DAD1: variants seen among roughly 807,000 people sequenced by gnomAD.
DAD1 encodes dolichyl-diphosphooligosaccharide--protein glycosyltransferase subunit DAD1.
In DAD1, 4 loss-of-function variants were observed where a neutral mutation model predicts 9.0. The observed-to-expected ratio is 0.44, with a 90% CI of 0.22 to 1.01. The LOEUF (loss-of-function observed/expected upper bound fraction) is 1.01. DAD1 is among the 50% of genes least tolerant of loss of function. The pLI is 0.24. For missense variants in DAD1, 119 were observed against 137.3 expected (o/e 0.87, Z 0.67); for synonymous variants, 60 against 62.5 (o/e 0.96, Z 0.19).
intron 1 of DAD1, among the ~76,000 whole-genome samples, chr14:22,578,335 T>G (rs1448984674): frequency 2.0e-5 from 3 of 151,314 alleles, no homozygotes; most frequent in African/African-American, 4.9e-5. Flanking sequence ...GAGGCCAAGG[T>G]GGGTGGATCA....
chr14:22,565,218 C>T, intron 2 of DAD1, 81 bp from the exon 3 acceptor site: 1 of 690,580 alleles, frequency 1.4e-6, no homozygotes, highest in Non-Finnish European at 2.6e-6. Context: ...AATTCTAACC[C>T]ACAAGACAGT....
chr14:22,585,326 T>G (rs945940526), intron 1 of DAD1, among the ~76,000 whole-genome samples: 2 of 152,268 alleles, frequency 1.3e-5, no homozygotes, highest in African/African-American at 4.8e-5. Flanking sequence ...GAGGACAGTC[T>G]TAATGTTTTC....
intron 2 of DAD1, among the ~76,000 whole-genome samples, chr14:22,565,980 CAG>C (rs2036999907): frequency 6.6e-6 from 1 of 152,220 alleles, no homozygotes; most frequent in South Asian, 2.1e-4. Flanking sequence ...TACTACCTTT[CAG>C]AAGAACCGGG....
At chr14:22,575,599 A>G (rs1037651763) in intron 1 of DAD1, among the ~76,000 whole-genome samples, 2 of 152,164 alleles carry the variant, frequency 1.3e-5, no homozygotes, top group African/African-American at 4.8e-5. Context: ...CCAGGCTGGA[A>G]TGCAGTGGCA....
At chr14:22,588,297 G>A (rs2037167736) in intron 1 of DAD1, among the ~76,000 whole-genome samples, 1 of 152,188 alleles carries the variant, frequency 6.6e-6, no homozygotes, top group Non-Finnish European at 1.5e-5. Flanking sequence ...AGAAAAGTCA[G>A]ATTTTAACAA....
chr14:22,585,445 T>C (rs2037145495), intron 1 of DAD1, among the ~76,000 whole-genome samples: 1 of 152,230 alleles, frequency 6.6e-6, no homozygotes. Context: ...AAGGGACAGA[T>C]GTCCTCTTCT....
intron 2 of DAD1, chr14:22,566,997 T>G (rs1476667304): frequency 6.6e-6 from 1 of 152,206 alleles, no homozygotes; most frequent in Non-Finnish European, 1.5e-5. Flanking sequence ...AAGAATGGTT[T>G]CAACTATTAA....
chr14:22,569,105 AG>A (rs2037020739), intron 2 of DAD1, among the ~76,000 whole-genome samples: 1 of 152,300 alleles, frequency 6.6e-6, no homozygotes, highest in African/African-American at 2.4e-5. Flanking sequence ...TTAGCATCCA[AG>A]TAACTTAATA....
intron 1 of DAD1, among the ~76,000 whole-genome samples, chr14:22,581,738 C>A (rs2037117280): frequency 2.7e-5 from 2 of 75,204 alleles, no homozygotes; most frequent in Admixed American, 1.7e-4. Context: ...AGCAAAACTC[C>A]ATCTCAAAAA....
At chr14:22,586,897 C>T (rs1401275564) in intron 1 of DAD1, among the ~76,000 whole-genome samples, 1 of 152,158 alleles carries the variant, frequency 6.6e-6, no homozygotes, top group Non-Finnish European at 1.5e-5. Flanking sequence ...TCATGAATCC[C>T]TTCTTTTCTT....
chr14:22,564,970 C>T lies in DAD1; in HGVS notation c.*212G>A. 1.6e-6 allele frequency: 1 copy of T among 614,416 alleles called. No individual in the cohort carries two copies. The highest frequency in any genetic ancestry group is 2.9e-6 in the Non-Finnish European group (1 of 344,198). The allele number at this position is 614,416 out of a possible 1,614,324, so 38.1% of individuals were successfully genotyped here. A position where few individuals can be genotyped will look rare whatever the true frequency, so the allele number is the denominator to read the frequency against. ...GGTTACATTTAATGAAAGGCAGAGG[C>T]TGGATTAATAAATGTTTGTTAGAAA... On this transcript the variant is annotated 3_prime_UTR_variant, in exon 3 of 3. Coordinates refer to ENST00000250498, the MANE Select transcript of DAD1 (RefSeq NM_001344.4).
chr14:22,585,275 G>A (rs2037144356), intron 1 of DAD1, among the ~76,000 whole-genome samples: 1 of 151,588 alleles, frequency 6.6e-6, no homozygotes, highest in African/African-American at 2.4e-5. Flanking sequence ...TGAAAGTTGG[G>A]AAATGAATTA....
Position 22,569,758 on chromosome 14 carries a change from G to C in DAD1, c.*45-4621C>G, listed in dbSNP as rs369060493. 1.1e-4 allele frequency among the ~76,000 whole-genome samples: 17 copies of C among 152,244 alleles called. No individual in the cohort carries two copies. In the East Asian group the frequency reaches 2.9e-3, roughly 26 times the overall value. On this transcript the variant is annotated intron_variant, in intron 2 of 2. Transcript: ENST00000250498. ...CCTTAAATACACCAAATATAAAATA[G>C]AGTTCAATAAACAAGTAAAGTCATC... is the stretch of plus-strand genomic sequence containing the variant.
chr14:22,575,017 T>TAA, intron 2 of DAD1, 42 bp downstream of exon 2: 1 of 1,522,816 alleles, frequency 6.6e-7, no homozygotes, highest in Non-Finnish European at 8.9e-7. Flanking sequence ...TTTCTCTTCC[T>TAA]AAAATCAACA....
In DAD1 at chr14:22,589,166, G is replaced by T. The variant is rs776302670; in HGVS notation, c.-9C>A. 6.2e-6 allele frequency: 10 copies of T among 1,613,916 alleles called. No homozygotes were observed. The Admixed American group carries it at 1.3e-4, about 22-fold the overall frequency. On this transcript the variant is annotated 5_prime_UTR_variant, in exon 1 of 3. Coordinates refer to ENST00000250498, the MANE Select transcript of DAD1 (RefSeq NM_001344.4). ...ACTACCGACGCCGACATAACTGCAC[G>T]CAAGGTACTCCGGTCCGCGCCCCAA...
intron 1 of DAD1, among the ~76,000 whole-genome samples, chr14:22,584,033 G>A (rs2139247095): frequency 6.6e-6 from 1 of 152,194 alleles, no homozygotes; most frequent in African/African-American, 2.4e-5. Context: ...TGCACATTGT[G>A]TTCCCATTCT....
intron 2 of DAD1, among the ~76,000 whole-genome samples, chr14:22,574,025 A>T (rs186023751): frequency 6.6e-6 from 1 of 152,284 alleles, no homozygotes; most frequent in East Asian, 1.9e-4. Context: ...TGGTCCTAGG[A>T]TATCCTTCCC....
intron 2 of DAD1, among the ~76,000 whole-genome samples, chr14:22,568,916 C>A (rs1180087932): frequency 1.3e-5 from 2 of 152,066 alleles, no homozygotes; most frequent in African/African-American, 4.8e-5. Context: ...CCATGCTGGT[C>A]TCAAACTCCT....
intron 2 of DAD1, among the ~76,000 whole-genome samples, chr14:22,565,914 G>A (rs1239638618): frequency 6.6e-6 from 1 of 152,198 alleles, no homozygotes; most frequent in East Asian, 1.9e-4. Context: ...TTCCCAGTGT[G>A]CCATAAAAAT....
Sources: allele counts gnomAD v4.1 joint callset (sites outside exome capture counted in the v4.1 genomes callset), GRCh38; gene constraint gnomAD v4.1.1; transcripts MANE v1.5; gene names NCBI Gene and HGNC (gene_info 2026-07-23, HGNC 2026-07-21).